NCBP1: variants seen among roughly 807,000 people sequenced by gnomAD.
NCBP1 encodes the protein nuclear cap binding protein subunit 1, also known as nuclear cap-binding protein subunit 1.
Under a neutral mutation model 111.7 loss-of-function variants are expected in NCBP1, and 16 were observed. That is an observed-to-expected ratio of 0.14 (90% CI 0.10 to 0.22). The LOEUF (loss-of-function observed/expected upper bound fraction) is 0.22. NCBP1 is among the 10% of genes least tolerant of loss of function. NCBP1 has a pLI of 1.00. For synonymous variants in NCBP1, 304 were observed against 314.3 expected (o/e 0.97, Z 0.35); for missense variants, 607 against 957.5 (o/e 0.63, Z 4.83).
At chr9:97,653,771 G>A (rs553250915) in intron 10 of NCBP1, 27 bp from the exon 11 acceptor site, 5 of 1,567,318 alleles carry the variant, frequency 3.2e-6, no homozygotes, top group Middle Eastern at 1.7e-4. Context: ...CAGTTGGATT[G>A]AATTGTGACT....
chr9:97,654,043 T>A, intron 11 of NCBP1, 135 bp downstream of exon 11: 2 of 619,366 alleles, frequency 3.2e-6, no homozygotes, highest in Non-Finnish European at 5.5e-6. Flanking sequence ...GTGTATTACA[T>A]GTATGTACTT....
At position 97,671,234 on chromosome 9, in the gene NCBP1, A is replaced by C; in HGVS notation, c.*35A>C. The C allele has an allele frequency of 7.2e-7, 1 of 1,389,396 alleles. No individual in the cohort carries two copies. The highest frequency in any genetic ancestry group is 1.0e-6 in the Non-Finnish European group (1 of 993,630). The allele number at this position is 1,389,396 out of a possible 1,614,324, so 86.1% of individuals were successfully genotyped here. A position where few individuals can be genotyped will look rare whatever the true frequency, so the allele number is the denominator to read the frequency against. ...TTTCCTCATGTCAAGGTTTTTTTTG[A>C]TATCTTAAAATAATTTGTCTTATTT... On this transcript the variant is annotated 3_prime_UTR_variant, in exon 23 of 23. Coordinates refer to ENST00000375147, the MANE Select transcript of NCBP1 (RefSeq NM_002486.5).
chr9:97,668,046 A>T (rs1828061682), intron 20 of NCBP1, among the ~76,000 whole-genome samples: 1 of 152,214 alleles, frequency 6.6e-6, no homozygotes, highest in African/African-American at 2.4e-5. Context: ...AATTTTGCTT[A>T]AAGTGGAGAG....
At chr9:97,667,936 G>A (rs1014987999) in intron 20 of NCBP1, among the ~76,000 whole-genome samples, 3 of 152,174 alleles carry the variant, frequency 2.0e-5, no homozygotes, top group Admixed American at 6.5e-5. Context: ...AAGGACAGTC[G>A]TGTACCCACG....
intron 8 of NCBP1, among the ~76,000 whole-genome samples, chr9:97,650,288 A>G (rs1176811524): frequency 2.0e-5 from 3 of 152,200 alleles, no homozygotes; most frequent in Non-Finnish European, 4.4e-5. Flanking sequence ...GTTAGGTATG[A>G]GATGTGGTAG....
At chr9:97,651,449 CTTAT>C (rs925940251) in intron 10 of NCBP1, 76 bp downstream of exon 10, 1,558 of 1,267,816 alleles carry the variant, frequency 1.2e-3, no homozygotes, top group South Asian at 1.8e-3. Context: ...CTACTCTTGG[CTTAT>C]TTATTTATTT....
intron 7 of NCBP1, 108 bp from the exon 8 acceptor site, chr9:97,647,900 A>T: frequency 1.0e-6 from 1 of 976,548 alleles, no homozygotes; most frequent in Non-Finnish European, 1.5e-6. Context: ...GTACCATCTT[A>T]CAAGTTAGCT....
At chr9:97,640,981 C>A in intron 2 of NCBP1, 99 bp downstream of exon 2, 2 of 860,336 alleles carry the variant, frequency 2.3e-6, no homozygotes, top group Non-Finnish European at 3.6e-6. Context: ...TACATTTTGG[C>A]AAAGCTGGTA....
chr9:97,661,054 A>G lies in NCBP1; in HGVS notation c.1586A>G (p.Gln529Arg). Residue 529 changes from glutamine to arginine, a missense_variant, in exon 16 of 23, where the codon CAG becomes CGG. This residue lies in a region of NCBP1 where 282 missense variants were observed against 376.5 expected (regional missense o/e 0.75). Transcript: ENST00000375147. ...CTGAAAGATGTACCAAATCCTAACC[A>G]GGATGATGACGACGGTAAGTGGAAT... is the stretch of plus-strand genomic sequence containing the variant. ...SILKDVPNPN[Q>R]DDDDDEGFSF... The G allele has an allele frequency of 6.2e-7, 1 of 1,612,564 alleles. No individual in the cohort carries two copies. The highest frequency in any genetic ancestry group is 1.7e-5 in the Admixed American group (1 of 59,836).
intron 1 of NCBP1, among the ~76,000 whole-genome samples, chr9:97,639,662 G>A (rs1827149173): frequency 6.6e-6 from 1 of 152,100 alleles, no homozygotes; most frequent in African/African-American, 2.4e-5. Flanking sequence ...AATGGAAGTC[G>A]AAAATTGGAT....
intron 1 of NCBP1, among the ~76,000 whole-genome samples, chr9:97,638,943 A>G (rs1827126920): frequency 6.6e-6 from 1 of 152,150 alleles, no homozygotes; most frequent in Non-Finnish European, 1.5e-5. Flanking sequence ...TAAATATTAC[A>G]TCAATTATGC....
chr9:97,672,718 C>T lies in NCBP1; in HGVS notation c.*1519C>T. The T allele has an allele frequency of 5.6e-6, 1 of 179,444 alleles. No individual in the cohort carries two copies. Among genetic ancestry groups the T allele is most frequent in the Non-Finnish European group, 1.1e-5 (1 of 88,302 alleles). 11.1% of individuals were successfully genotyped at this position (179,444 alleles called of 1,614,324 possible). A position where few individuals can be genotyped will look rare whatever the true frequency, so the allele number is the denominator to read the frequency against. Reference sequence around the variant, plus strand: ...AGACCAGCCCCTTGTCTTCCTCAGCCTGCTCAACGTGAAGATGATGAGGAT... The same window carrying T: ...AGACCAGCCCCTTGTCTTCCTCAGCTTGCTCAACGTGAAGATGATGAGGAT... On this transcript the variant is annotated 3_prime_UTR_variant, in exon 23 of 23. Coordinates refer to ENST00000375147, the MANE Select transcript of NCBP1 (RefSeq NM_002486.5).
At position 97,673,379 on chromosome 9, in the gene NCBP1, C is replaced by T. The variant is rs1268351162; in HGVS notation, c.*2180C>T. 1 of 152,190 alleles carries T rather than the reference C, an allele frequency of 6.6e-6. No individual in the cohort carries two copies. The highest frequency in any genetic ancestry group is 1.5e-5 in the Non-Finnish European group (1 of 68,040). The allele number at this position is 152,190 out of a possible 1,614,324, so 9.4% of individuals were successfully genotyped here. On this transcript the variant is annotated 3_prime_UTR_variant, in exon 23 of 23. Coordinates refer to ENST00000375147, the MANE Select transcript of NCBP1 (RefSeq NM_002486.5). ...AGGGATTGGTAACTTTGACTCAAAA[C>T]TGCTTTGTAATCTTTTCACAATGTA...
chr9:97,656,530 G>A (rs1277232488), intron 14 of NCBP1, among the ~76,000 whole-genome samples: 2 of 152,238 alleles, frequency 1.3e-5, no homozygotes, highest in South Asian at 2.1e-4. Flanking sequence ...CAATCTGGCC[G>A]ACAGAGCGAC....
chr9:97,650,541 T>G lies in NCBP1; in HGVS notation c.936T>G (p.Phe312Leu). ...CAGGGAGTCATTCAGTGGAAAGATT[T>G]GTAATAGAAGAGAATCTTCACTGCA... The part of the protein sequence containing the change: ...VMPGSHSVER[F>L]VIEENLHCII... Residue 312 changes from phenylalanine to leucine, a missense_variant, in exon 9 of 23, where the codon TTT (phenylalanine) becomes TTG (leucine). This residue lies in a region of NCBP1 where 53 missense variants were observed against 144.8 expected (regional missense o/e 0.37). Coordinates refer to ENST00000375147, the MANE Select transcript of NCBP1 (RefSeq NM_002486.5). The G allele has an allele frequency of 2.5e-6, 4 of 1,613,628 alleles. No homozygotes were observed. The highest frequency in any genetic ancestry group is 2.5e-6 in the Non-Finnish European group (3 of 1,179,670).
In NCBP1 at chr9:97,661,230, A is replaced by C. The variant is rs183144528; in HGVS notation, c.1600+162A>C. 4.0e-3 allele frequency among the ~76,000 whole-genome samples: 604 copies of C among 152,314 alleles called. 2 individuals carry two copies. The highest frequency in any genetic ancestry group is 6.4e-3 in the Non-Finnish European group (432 of 68,020). ...CCCCAGGTATTTTCCCCTTATATAA[A>C]AAGAGATCCTAACATTTCTGTGATA... On this transcript the variant is annotated intron_variant, in intron 16 of 22. Transcript: ENST00000375147.
chr9:97,670,208 G>C (rs1828146694), intron 22 of NCBP1: 1 of 196,948 alleles, frequency 5.1e-6, no homozygotes, highest in Non-Finnish European at 1.1e-5. Flanking sequence ...GTGAGCCACG[G>C]TGCCCAGTCT....
In NCBP1 at chr9:97,658,673, T is replaced by G; in HGVS notation, c.1407T>G (p.Val469=). 6.2e-7 allele frequency: 1 copy of G among 1,613,144 alleles called. No homozygotes were observed. Among genetic ancestry groups the G allele is most frequent in the Non-Finnish European group, 8.5e-7 (1 of 1,179,250 alleles). The change falls in exon 15 of 23, where the codon GTT becomes GTG. Residue 469 remains valine (V), a synonymous_variant. Coordinates refer to ENST00000375147, the MANE Select transcript of NCBP1 (RefSeq NM_002486.5). Reference sequence around the variant, plus strand: ...ACCATCAGCGTATATTAGATATTGTTCCTCCTACCTTCTCAGCTCTGTGTC... The same window carrying G: ...ACCATCAGCGTATATTAGATATTGTGCCTCCTACCTTCTCAGCTCTGTGTC... ...LSYHQRILDI[V]PPTFSALCPA...
At chr9:97,635,026 A>G (rs142230711) in intron 1 of NCBP1, among the ~76,000 whole-genome samples, 22 of 152,354 alleles carry the variant, frequency 1.4e-4, no homozygotes, top group African/African-American at 4.6e-4. Context: ...GATGCTGTCA[A>G]TGTAAGAAAA....
Sources: allele counts gnomAD v4.1 joint callset (sites outside exome capture counted in the v4.1 genomes callset), GRCh38; gene constraint gnomAD v4.1.1; regional missense constraint gnomAD v4.1.1; transcripts MANE v1.5; gene names NCBI Gene and HGNC (gene_info 2026-07-23, HGNC 2026-07-21).